XPO5: variants seen among roughly 807,000 people sequenced by gnomAD.
The protein encoded by XPO5 is exportin-5.
In XPO5, 46 loss-of-function variants were observed where a neutral mutation model predicts 160.6. The observed-to-expected ratio is 0.29, with a 90% CI of 0.23 to 0.37. The LOEUF is 0.37. Among genes scored for constraint, XPO5 ranks in the 10% least tolerant of loss-of-function variants. XPO5 has a pLI of 1.00. For missense variants in XPO5, 1,090 were observed against 1,463.9 expected (o/e 0.74, Z 4.17); for synonymous variants, 537 against 519.3 (o/e 1.03, Z -0.46).
At chr6:43,530,263 T>C (rs925202674) in intron 23 of XPO5, among the ~76,000 whole-genome samples, 1 of 149,322 alleles carries the variant, frequency 6.7e-6, no homozygotes, top group African/African-American at 2.5e-5. Flanking sequence ...TCTCAAAAAA[T>C]AGGAATAAAA....
chr6:43,547,051 G>C (rs190137607), intron 19 of XPO5, among the ~76,000 whole-genome samples: 1 of 152,184 alleles, frequency 6.6e-6, no homozygotes, highest in East Asian at 1.9e-4. Flanking sequence ...GCTTAGATAC[G>C]ATCCAAAACA....
chr6:43,524,098 C>T (rs1793378112), intron 31 of XPO5, 93 bp from the exon 32 acceptor site: 1 of 1,514,936 alleles, frequency 6.6e-7, no homozygotes, highest in East Asian at 2.4e-5. Flanking sequence ...CGCCTGTAAT[C>T]CCAACACTTT....
At chr6:43,525,748 A>C in intron 28 of XPO5, 91 bp downstream of exon 28, 3 of 1,367,536 alleles carry the variant, frequency 2.2e-6, no homozygotes, top group Non-Finnish European at 3.0e-6. Context: ...GTATTACAAA[A>C]AACTCTTGAT....
rs146489790 is a variant in XPO5, at chr6:43,529,064, A to G, written c.2678-139T>C. On this transcript the variant is annotated intron_variant, in intron 23 of 31. Coordinates refer to ENST00000265351, the MANE Select transcript of XPO5 (RefSeq NM_020750.3). ...AATATCCTGTGTTAACAGTGAAAAA[A>G]TCTTAAAGTTCTTTTCCTAAAATCC... 6.5e-4 allele frequency: 726 copies of G among 1,109,488 alleles called. 8 individuals are homozygous for G. The East Asian group carries it at 0.016, about 25-fold the overall frequency. 68.7% of individuals were successfully genotyped at this position (1,109,488 alleles called of 1,614,324 possible). A position where few individuals can be genotyped will look rare whatever the true frequency, so the allele number is the denominator to read the frequency against.
At chr6:43,537,977 C>T (rs1794445971) in intron 20 of XPO5, among the ~76,000 whole-genome samples, 1 of 147,996 alleles carries the variant, frequency 6.8e-6, no homozygotes, top group Non-Finnish European at 1.5e-5. Flanking sequence ...CTGAGGCAGT[C>T]GAGAGGCTGA....
rs772637423 is a variant in XPO5 at position 43,570,859 on chromosome 6, C to T, written c.436G>A (p.Gly146Arg). The T allele has an allele frequency of 4.4e-5, 71 of 1,609,482 alleles. No individual in the cohort carries two copies. The highest frequency in any genetic ancestry group is 5.3e-5 in the Non-Finnish European group (63 of 1,178,482). ...ACTGATATAGCTGTGTTTCATACCC[C>T]TTGTTTGGAAAGAGTGTCCAATTCT... ...LIELDTLSKQ[G>R]ETQTELVMFI... is the part of the protein sequence containing the mutation. The change falls in exon 4 of 32, where the codon GGG (glycine) becomes AGG (arginine). Residue 146 changes from glycine to arginine, a missense_variant and splice_region_variant. This residue lies in a region of XPO5 where 170 missense variants were observed against 227.0 expected (regional missense o/e 0.75). Coordinates refer to ENST00000265351, the MANE Select transcript of XPO5 (RefSeq NM_020750.3).
chr6:43,567,273 T>C lies in XPO5; in HGVS notation c.730A>G (p.Thr244Ala), dbSNP rs1468057680. ...TCCAGGAGTTTACAGTTTTCAGCAG[T>C]GATGTGACTCATAGACACCCAGTCA... is the stretch of plus-strand genomic sequence containing the variant. ...YIDWVSMSHI[T>A]AENCKLLEIL... Residue 244 changes from threonine to alanine, a missense_variant, in exon 7 of 32, where the codon ACT becomes GCT. Physicochemically the swap from Thr to Ala is moderately conservative, Grantham distance 58. This residue lies in a region of XPO5 where 110 missense variants were observed against 97.9 expected (regional missense o/e 1.12). Transcript: ENST00000265351. The C allele has an allele frequency of 6.2e-7, 1 of 1,613,958 alleles. No individual in the cohort carries two copies. The highest frequency in any genetic ancestry group is 8.5e-7 in the Non-Finnish European group (1 of 1,179,886).
intron 8 of XPO5, among the ~76,000 whole-genome samples, chr6:43,562,868 A>ATT (rs1561883912): frequency 6.6e-6 from 1 of 152,170 alleles, no homozygotes; most frequent in Non-Finnish European, 1.5e-5. Flanking sequence ...TACCCAAAAA[A>ATT]CGTTATTCAT....
At chr6:43,524,261 A>T (rs907831777) in intron 31 of XPO5, among the ~76,000 whole-genome samples, 8 of 151,634 alleles carry the variant, frequency 5.3e-5, no homozygotes, top group African/African-American at 1.5e-4. Context: ...CTGAGGCAGG[A>T]GAATCGTTTG....
At chr6:43,547,532 T>A in intron 19 of XPO5, 76 bp downstream of exon 19, 2 of 1,386,818 alleles carry the variant, frequency 1.4e-6, no homozygotes, top group Admixed American at 1.8e-5. Context: ...AACAAATCTA[T>A]GAGAAACTTG....
chr6:43,536,525 G>A (rs1013911837), intron 20 of XPO5, among the ~76,000 whole-genome samples: 1 of 151,506 alleles, frequency 6.6e-6, no homozygotes, highest in Non-Finnish European at 1.5e-5. Context: ...TTAGGAAGCC[G>A]AGGTGGGTGG....
At position 43,535,077 on chromosome 6, in the gene XPO5, G is replaced by A. The variant is rs185093223; in HGVS notation, c.2343-1070C>T. Among the ~76,000 whole-genome samples, 385 of 151,988 alleles carry A rather than the reference G, an allele frequency of 2.5e-3. 3 individuals carry two copies. Among genetic ancestry groups the A allele is most frequent in the African/African-American group, 8.7e-3 (359 of 41,414 alleles). On this transcript the variant is annotated intron_variant, in intron 20 of 31. Transcript: ENST00000265351. ...GGAGGCTGAGGTGGGTGGATCACGA[G>A]GTCATGAGATCGAGACTATCCTGGC... is the stretch of plus-strand genomic sequence containing the variant.
chr6:43,567,274 G>T lies in XPO5; in HGVS notation c.729C>A (p.Ile243=), dbSNP rs1762743435. The change falls in exon 7 of 32, where the codon ATC becomes ATA. Residue 243 remains isoleucine, a synonymous_variant. Coordinates refer to ENST00000265351, the MANE Select transcript of XPO5 (RefSeq NM_020750.3). ...CCAGGAGTTTACAGTTTTCAGCAGT[G>T]ATGTGACTCATAGACACCCAGTCAA... ...GYIDWVSMSH[I]TAENCKLLEI... The T allele has an allele frequency of 6.2e-7, 1 of 1,613,956 alleles. No individual in the cohort carries two copies. Among genetic ancestry groups the T allele is most frequent in the Non-Finnish European group, 8.5e-7 (1 of 1,179,884 alleles).
At chr6:43,560,677 C>G (rs1235848512) in intron 10 of XPO5, among the ~76,000 whole-genome samples, 3 of 152,174 alleles carry the variant, frequency 2.0e-5, no homozygotes, top group Admixed American at 6.5e-5. Flanking sequence ...CCACCTGGGA[C>G]ACACCTCACA....
chr6:43,564,292 G>A (rs1369214592), intron 8 of XPO5, among the ~76,000 whole-genome samples: 1 of 152,194 alleles, frequency 6.6e-6, no homozygotes, highest in Admixed American at 6.5e-5. Flanking sequence ...TACTTTGGGA[G>A]GCTGAGGTGG....
At position 43,553,484 on chromosome 6, in the gene XPO5, A is replaced by G. The variant is rs776823538; in HGVS notation, c.1461T>C (p.Thr487=). 6.4e-7 allele frequency: 1 copy of G among 1,560,558 alleles called. No individual in the cohort carries two copies. Among genetic ancestry groups the G allele is most frequent in the South Asian group, 1.2e-5 (1 of 84,534 alleles). ...GSVNSCSAVG[T]GEGSLCSVFS... ...AGACGGAACAGAGGCTTCCTTCTCC[A>G]GTTCCAACTGCAGAACAAGCTTTAA... The change falls in exon 14 of 32, where the codon ACT becomes ACC. Residue 487 remains threonine (T), a synonymous_variant. Coordinates refer to ENST00000265351, the MANE Select transcript of XPO5 (RefSeq NM_020750.3).
At chr6:43,528,955 C>T (rs746258057) in intron 23 of XPO5, 30 bp from the exon 24 acceptor site, 2 of 1,588,518 alleles carry the variant, frequency 1.3e-6, no homozygotes, top group Non-Finnish European at 1.7e-6. Context: ...AATTTTAGTG[C>T]ATAGGCACAC....
intron 12 of XPO5, among the ~76,000 whole-genome samples, chr6:43,557,512 A>C (rs1762161923): frequency 6.6e-6 from 1 of 152,200 alleles, no homozygotes; most frequent in Non-Finnish European, 1.5e-5. Flanking sequence ...CAGTCACAAT[A>C]GACCATGTAT....
At chr6:43,561,732 AC>A (rs1762428179) in intron 9 of XPO5, 1 of 153,242 alleles carries the variant, frequency 6.5e-6, no homozygotes, top group African/African-American at 2.4e-5. Context: ...TTAAACCACC[AC>A]AAAAAGATAT....
Sources: gnomAD v4.1 joint callset for allele counts (sites outside exome capture counted in the v4.1 genomes callset) on GRCh38, gnomAD v4.1.1 for gene constraint, gnomAD v4.1.1 regional missense constraint, MANE v1.5 for transcripts, NCBI Gene and HGNC (gene_info 2026-07-23, HGNC 2026-07-21) for gene names.